CRTAP: variants seen among roughly 807,000 people sequenced by gnomAD.
CRTAP encodes cartilage-associated protein.
A neutral mutation model predicts 42.7 loss-of-function variants in CRTAP; 33 were observed. The ratio of observed to expected loss-of-function variants is 0.77; its 90% confidence interval spans 0.59 to 1.03. The LOEUF is 1.03. Among genes scored for constraint, CRTAP ranks in the 50% least tolerant of loss-of-function variants. The pLI, the probability that CRTAP is intolerant of heterozygous loss-of-function variation, is 0.00. For synonymous variants in CRTAP, 243 were observed against 217.7 expected (o/e 1.12, Z -1.02); for missense variants, 613 against 533.9 (o/e 1.15, Z -1.46).
In CRTAP at chr3:33,120,399, C is replaced by T. The variant is rs771040863; in HGVS notation, c.527C>T (p.Pro176Leu). The change falls in exon 2 of 7, where the codon CCT becomes CTT. Residue 176 changes from proline (P) to leucine (L), a missense_variant. Pro to Leu is a moderately conservative substitution (Grantham distance 98). Transcript: ENST00000320954. Reference protein sequence around the residue: ...AAAHTFLLKHPDDEMMKRNMA... With the variant: ...AAAHTFLLKHLDDEMMKRNMA... ...GCTCACACCTTTCTACTGAAGCATC[C>T]TGATGACGAAATGATGAAGAGGAAC... 2.5e-6 allele frequency: 4 copies of T among 1,614,138 alleles called. No homozygotes were observed. Among genetic ancestry groups the T allele is most frequent in the South Asian group, 2.2e-5 (2 of 91,082 alleles).
At position 33,146,136 on chromosome 3, in the gene CRTAP, T is replaced by G. The variant is rs1009851716; in HGVS notation, c.*3688T>G. ...CCCAACACCTCCCTGAGTGTGCTTC[T>G]TGGAAGAGCCTAGAAGATTCCTGGA... On this transcript the variant is annotated 3_prime_UTR_variant, in exon 7 of 7. Transcript: ENST00000320954. 2 of 152,226 alleles carry G rather than the reference T, an allele frequency of 1.3e-5. No homozygotes were observed. Among genetic ancestry groups the G allele is most frequent in the African/African-American group, 2.4e-5 (1 of 41,444 alleles). 9.4% of individuals were successfully genotyped at this position (152,226 alleles called of 1,614,324 possible).
chr3:33,141,625 C>T (rs1361777337), intron 6 of CRTAP, among the ~76,000 whole-genome samples: 1 of 152,176 alleles, frequency 6.6e-6, no homozygotes, highest in Non-Finnish European at 1.5e-5. Flanking sequence ...TCTGTGTTGA[C>T]TCTTATGGAA....
At position 33,144,098 on chromosome 3, in the gene CRTAP, A is replaced by G. The variant is rs947685101; in HGVS notation, c.*1650A>G. ...GAAGACCTGTTAGGAAGCTACTGCAAGGTTCCAGGCTTGGGCCTGGGCCAC... is the reference window on the plus strand; with the variant it reads ...GAAGACCTGTTAGGAAGCTACTGCAGGGTTCCAGGCTTGGGCCTGGGCCAC... On this transcript the variant is annotated 3_prime_UTR_variant, in exon 7 of 7. Coordinates refer to ENST00000320954, the MANE Select transcript of CRTAP (RefSeq NM_006371.5). 1 of 152,302 alleles carries G rather than the reference A, an allele frequency of 6.6e-6. No homozygotes were observed. Among genetic ancestry groups the G allele is most frequent in the Non-Finnish European group, 1.5e-5 (1 of 68,072 alleles). 9.4% of individuals were successfully genotyped at this position (152,302 alleles called of 1,614,324 possible).
chr3:33,138,303 A>G (rs531370976), intron 6 of CRTAP, among the ~76,000 whole-genome samples: 7 of 152,280 alleles, frequency 4.6e-5, no homozygotes, highest in African/African-American at 1.7e-4. Flanking sequence ...ATTTTTTTAT[A>G]GGAATTCCAC....
intron 1 of CRTAP, among the ~76,000 whole-genome samples, chr3:33,119,602 G>A (rs1701390007): frequency 6.6e-6 from 1 of 152,188 alleles, no homozygotes. Flanking sequence ...AAGTGAGGAG[G>A]TGGTGGAGTC....
At position 33,114,161 on chromosome 3, in the gene CRTAP, C is replaced by T. The variant is rs1284496474; in HGVS notation, c.84C>T (p.Tyr28=). The T allele has an allele frequency of 6.3e-7, 1 of 1,586,558 alleles. No homozygotes were observed. Among genetic ancestry groups the T allele is most frequent in the South Asian group, 1.1e-5 (1 of 89,026 alleles). Reference sequence around the variant, plus strand: ...CGCTGCGCGCCGGGCGCGCCCAATACGAACGCTACAGCTTCCGCAGCTTCC... The same window carrying T: ...CGCTGCGCGCCGGGCGCGCCCAATATGAACGCTACAGCTTCCGCAGCTTCC... ...ACALRAGRAQ[Y]ERYSFRSFPR... is the part of the protein sequence containing the mutation. Residue 28 remains tyrosine (Y), a synonymous_variant, in exon 1 of 7, where the codon TAC becomes TAT. Coordinates refer to ENST00000320954, the MANE Select transcript of CRTAP (RefSeq NM_006371.5).
At position 33,114,191 on chromosome 3, in the gene CRTAP, G is replaced by A; in HGVS notation, c.114G>A (p.Arg38=). ...GCTACAGCTTCCGCAGCTTCCCACGGGACGAGCTGATGCCGCTCGAGTCGG... is the reference window on the plus strand; with the variant it reads ...GCTACAGCTTCCGCAGCTTCCCACGAGACGAGCTGATGCCGCTCGAGTCGG... ...YERYSFRSFP[R]DELMPLESAY... Residue 38 remains arginine, a synonymous_variant, in exon 1 of 7, where the codon CGG becomes CGA. Coordinates refer to ENST00000320954, the MANE Select transcript of CRTAP (RefSeq NM_006371.5). 1 of 1,593,554 alleles carries A rather than the reference G, an allele frequency of 6.3e-7. No homozygotes were observed. Among genetic ancestry groups the A allele is most frequent in the East Asian group, 2.3e-5 (1 of 44,230 alleles).
At chr3:33,135,964 T>C (rs1382470822) in intron 6 of CRTAP, among the ~76,000 whole-genome samples, 1 of 152,216 alleles carries the variant, frequency 6.6e-6, no homozygotes, top group Non-Finnish European at 1.5e-5. Context: ...CATCCATCAC[T>C]GTTATTTAAC....
intron 6 of CRTAP, among the ~76,000 whole-genome samples, chr3:33,135,226 G>A (rs537983632): frequency 2.0e-5 from 3 of 152,296 alleles, no homozygotes; most frequent in African/African-American, 7.2e-5. Flanking sequence ...GGGTATCCTT[G>A]AAGCAGAGCC....
chr3:33,132,812 A>T, intron 5 of CRTAP, 112 bp downstream of exon 5: 9 of 1,299,374 alleles, frequency 6.9e-6, no homozygotes, highest in Non-Finnish European at 9.8e-6. Context: ...GGGCGCGGTG[A>T]CTCATGCCTG....
chr3:33,128,748 A>G (rs543826163), intron 3 of CRTAP, among the ~76,000 whole-genome samples: 4 of 152,318 alleles, frequency 2.6e-5, no homozygotes, highest in South Asian at 2.1e-4. Context: ...CCTACCAGCA[A>G]TGTTTGAAAG....
chr3:33,130,990 C>T (rs2030244256), intron 4 of CRTAP, among the ~76,000 whole-genome samples: 1 of 152,158 alleles, frequency 6.6e-6, no homozygotes, highest in Admixed American at 6.5e-5. Context: ...TCTCCCTGTA[C>T]CTGACTTTGC....
chr3:33,147,485 T>G lies in CRTAP; in HGVS notation c.*5037T>G, dbSNP rs1409402364. The G allele has an allele frequency of 1.3e-5, 2 of 152,436 alleles. No homozygotes were observed. The highest frequency in any genetic ancestry group is 4.8e-5 in the African/African-American group (2 of 41,458). The allele number at this position is 152,436 out of a possible 1,614,324, so 9.4% of individuals were successfully genotyped here. A position where few individuals can be genotyped will look rare whatever the true frequency, so the allele number is the denominator to read the frequency against. ...TGAGTGAGTTGGCTCTATATCCCCT[T>G]GGAGCTGGCCGGTAAGATATTAGTG... On this transcript the variant is annotated 3_prime_UTR_variant, in exon 7 of 7. Transcript: ENST00000320954.
chr3:33,120,802 G>A (rs890772608), intron 2 of CRTAP, among the ~76,000 whole-genome samples: 45 of 152,022 alleles, frequency 3.0e-4, no homozygotes, highest in African/African-American at 1.1e-3. Context: ...AAATGACCAG[G>A]AACACAAGAA....
At chr3:33,116,979 C>T (rs1054442933) in intron 1 of CRTAP, among the ~76,000 whole-genome samples, 3 of 151,956 alleles carry the variant, frequency 2.0e-5, no homozygotes, top group Admixed American at 6.6e-5. Context: ...TGGTGGCGTG[C>T]CTTTCTAGTT....
intron 6 of CRTAP, among the ~76,000 whole-genome samples, chr3:33,135,380 G>C (rs1422253645): frequency 2.6e-5 from 4 of 152,180 alleles, no homozygotes; most frequent in Non-Finnish European, 4.4e-5. Context: ...TGTGATCTCA[G>C]CATTTGGGAG....
intron 4 of CRTAP, among the ~76,000 whole-genome samples, chr3:33,131,689 C>T (rs554080761): frequency 5.1e-4 from 78 of 151,978 alleles, no homozygotes; most frequent in African/African-American, 1.8e-3. Context: ...TTCTAGACCA[C>T]CTACCATGCT....
intron 6 of CRTAP, 85 bp downstream of exon 6, chr3:33,134,350 C>T (rs2030361729): frequency 2.2e-6 from 2 of 924,784 alleles, no homozygotes; most frequent in South Asian, 2.6e-5. Flanking sequence ...AGGCTGAGTC[C>T]TCCCTGAAGT....
rs117821827 is a variant in CRTAP, at chr3:33,134,453, A to G, written c.1152+188A>G. On this transcript the variant is annotated intron_variant, in intron 6 of 6. Transcript: ENST00000320954. ...ATGGGAAAGAGCGGCTTTCTAGGAA[A>G]CCTAGGCAGGAGTGCCACATTTCCT... is the stretch of plus-strand genomic sequence containing the variant. Among the ~76,000 whole-genome samples, 163 of 152,190 alleles carry G rather than the reference A, an allele frequency of 1.1e-3. 5 individuals carry two copies. In the East Asian group the frequency reaches 0.027, roughly 25 times the overall value.
Sources: allele counts gnomAD v4.1 joint callset (sites outside exome capture counted in the v4.1 genomes callset), GRCh38; gene constraint gnomAD v4.1.1; transcripts MANE v1.5; gene names NCBI Gene and HGNC (gene_info 2026-07-23, HGNC 2026-07-21).